Variants in CSMD3 observed in about 807,000 individuals in gnomAD.
The protein encoded by CSMD3 is CUB and Sushi multiple domains 3, also known as CUB and sushi domain-containing protein 3.
In CSMD3, 177 loss-of-function variants were observed where a neutral mutation model predicts 435.2. The ratio of observed to expected loss-of-function variants is 0.41; its 90% CI spans 0.36 to 0.46. The LOEUF (loss-of-function observed/expected upper bound fraction) is 0.46. Ranked by LOEUF, CSMD3 falls within the 20% of genes least tolerant of loss-of-function variation. The pLI is 0.34. For missense variants in CSMD3, 4,265 were observed against 4,504.6 expected (o/e 0.95, Z 1.52); for synonymous variants, 1,656 against 1,520.5 (o/e 1.09, Z -2.07).
chr8:112,827,207 A>ATATATATATATATATAT (rs2079722410), intron 12 of CSMD3, among the ~76,000 whole-genome samples: 13 of 122,666 alleles, frequency 1.1e-4, no homozygotes, highest in Admixed American at 2.6e-4. Flanking sequence ...ATATATATAT[A>ATATATATATATATATAT]ATCTTTCTAC....
intron 3 of CSMD3, among the ~76,000 whole-genome samples, chr8:113,208,078 AAC>A (rs1265014660): frequency 1.3e-5 from 2 of 152,188 alleles, no homozygotes; most frequent in Non-Finnish European, 2.9e-5. Context: ...ACTGCATTTT[AAC>A]AGTTTTAAAA....
At chr8:112,723,715 G>A (rs1349047663) in intron 13 of CSMD3, among the ~76,000 whole-genome samples, 1 of 152,094 alleles carries the variant, frequency 6.6e-6, no homozygotes, top group Non-Finnish European at 1.5e-5. Flanking sequence ...TTTAAATGCT[G>A]ACAGCATAAC....
At chr8:112,354,484 A>T in intron 38 of CSMD3, among the ~76,000 whole-genome samples, 1 of 152,330 alleles carries the variant, frequency 6.6e-6, no homozygotes, top group East Asian at 1.9e-4. Flanking sequence ...TAGAACTGAT[A>T]AACAACTTCA....
At chr8:112,545,581 G>A (rs7357584) in intron 27 of CSMD3, among the ~76,000 whole-genome samples, 2 of 149,652 alleles carry the variant, frequency 1.3e-5, no homozygotes, top group Non-Finnish European at 3.0e-5. Context: ...TCATATCTAA[G>A]AATGCTTCAT....
At chr8:112,411,543 A>G (rs1478690751) in intron 32 of CSMD3, among the ~76,000 whole-genome samples, 1 of 152,040 alleles carries the variant, frequency 6.6e-6, no homozygotes, top group African/African-American at 2.4e-5. Flanking sequence ...TAAAGACAAA[A>G]TTTTAAAGTA....
chr8:112,501,152 TTGTCCC>T (rs1821910643), intron 30 of CSMD3, among the ~76,000 whole-genome samples: 1 of 151,982 alleles, frequency 6.6e-6, no homozygotes, highest in African/African-American at 2.4e-5. Context: ...CTCTTCATGT[TTGTCCC>T]TGTCCTTAAT....
At chr8:112,783,676 A>C (rs756136766) in intron 13 of CSMD3, among the ~76,000 whole-genome samples, 1 of 152,116 alleles carries the variant, frequency 6.6e-6, no homozygotes, top group African/African-American at 2.4e-5. Context: ...AAAGTCCTAA[A>C]TATCTGCTGC....
At chr8:112,381,750 G>T (rs943106736) in intron 37 of CSMD3, among the ~76,000 whole-genome samples, 1 of 152,094 alleles carries the variant, frequency 6.6e-6, no homozygotes, top group African/African-American at 2.4e-5. Flanking sequence ...GGATGTTATT[G>T]ATTAAGAGCT....
At chr8:112,540,966 T>C (rs563384172) in intron 27 of CSMD3, among the ~76,000 whole-genome samples, 2 of 152,168 alleles carry the variant, frequency 1.3e-5, no homozygotes, top group South Asian at 4.1e-4. Context: ...ATATAATGAA[T>C]ATTCCAGTTA....
At chr8:113,338,977 A>G (rs555268013) in intron 1 of CSMD3, among the ~76,000 whole-genome samples, 9 of 152,052 alleles carry the variant, frequency 5.9e-5, no homozygotes, top group Non-Finnish European at 1.2e-4. Context: ...TCATAATTTT[A>G]TTGAAAATAA....
Position 112,335,417 on chromosome 8 carries a change from C to A in CSMD3, c.7077G>T (p.Leu2359Phe). 3 of 1,613,832 alleles carry A rather than the reference C, an allele frequency of 1.9e-6. No individual in the cohort carries two copies. Among genetic ancestry groups the A allele is most frequent in the Non-Finnish European group, 2.5e-6 (3 of 1,179,846 alleles). ...QIGQFSGNTALESVYSTSNQI... is the reference protein window; with the variant it reads ...QIGQFSGNTAFESVYSTSNQI... ...GATTTGAAGTACTGTAGACTGATTC[C>A]AAAGCGGTATTGCCACTGAACTGAC... Residue 2359 changes from leucine to phenylalanine, a missense_variant, in exon 45 of 71, where the codon TTG (leucine) becomes TTT (phenylalanine). Transcript: ENST00000297405.
intron 32 of CSMD3, among the ~76,000 whole-genome samples, chr8:112,412,553 G>A (rs1426079445): frequency 2.0e-5 from 3 of 151,906 alleles, no homozygotes; most frequent in African/African-American, 7.3e-5. Flanking sequence ...AAACATAATA[G>A]ATGTTAAAGA....
At chr8:112,257,062 TC>T (rs1815878635) in intron 61 of CSMD3, among the ~76,000 whole-genome samples, 1 of 152,196 alleles carries the variant, frequency 6.6e-6, no homozygotes, top group African/African-American at 2.4e-5. Flanking sequence ...TTTTTAAACC[TC>T]CTTTTAGTAG....
intron 4 of CSMD3, among the ~76,000 whole-genome samples, chr8:113,144,661 T>C (rs1432716242): frequency 6.6e-6 from 1 of 151,526 alleles, no homozygotes; most frequent in South Asian, 2.1e-4. Flanking sequence ...TGCCCCCTAG[T>C]AAGCAATAGA....
At chr8:112,361,146 A>T (rs2131115714) in intron 38 of CSMD3, among the ~76,000 whole-genome samples, 1 of 152,072 alleles carries the variant, frequency 6.6e-6, no homozygotes, top group South Asian at 2.1e-4. Context: ...GCTTAACAAA[A>T]GACATCAAAA....
intron 16 of CSMD3, among the ~76,000 whole-genome samples, chr8:112,674,377 T>A (rs2075726266): frequency 6.6e-6 from 1 of 152,096 alleles, no homozygotes; most frequent in South Asian, 2.1e-4. Context: ...TGCCTCTCTT[T>A]TGTCAGGTAT....
In CSMD3 at chr8:112,846,566, T is replaced by C. The variant is rs566444077; in HGVS notation, c.1755+12579A>G. On this transcript the variant is annotated intron_variant, in intron 11 of 70. Transcript: ENST00000297405. The stretch of plus-strand genomic sequence containing the variant: ...TAAAGACATGTGCCACCATGCCCAC[T>C]TGGTTAATTTTTAAAAATTGTTTTG... 7.9e-5 allele frequency among the ~76,000 whole-genome samples: 12 copies of C among 151,720 alleles called. No individual in the cohort carries two copies. In the East Asian group the frequency reaches 2.3e-3, roughly 30 times the overall value.
At chr8:112,896,593 T>C (rs1335621780) in intron 10 of CSMD3, among the ~76,000 whole-genome samples, 3 of 151,442 alleles carry the variant, frequency 2.0e-5, no homozygotes, top group Non-Finnish European at 3.0e-5. Context: ...ATAGAGTCTC[T>C]GAAATTCATT....
At chr8:113,037,122 T>G (rs2087388785) in intron 5 of CSMD3, among the ~76,000 whole-genome samples, 1 of 152,152 alleles carries the variant, frequency 6.6e-6, no homozygotes, top group Admixed American at 6.5e-5. Context: ...ATATTGCTAT[T>G]TTATTGATAA....
Sources: gnomAD v4.1 joint callset for allele counts (sites outside exome capture counted in the v4.1 genomes callset) on GRCh38, gnomAD v4.1.1 for gene constraint, MANE v1.5 for transcripts, NCBI Gene and HGNC (gene_info 2026-07-23, HGNC 2026-07-21) for gene names.